The following PCNX2 variants were observed in gnomAD, a reference collection of about 807,000 sequenced individuals.
PCNX2 encodes the protein pecanex 2.
PCNX2 carries 168 observed loss-of-function variants against 223.8 expected under a neutral mutation model. That is an observed-to-expected ratio of 0.75 (90% confidence interval 0.66 to 0.85). The LOEUF is 0.85. Among genes scored for constraint, PCNX2 ranks in the 40% least tolerant of loss-of-function variants. PCNX2 has a pLI of 0.00. For missense variants in PCNX2, 2,507 were observed against 2,675.5 expected, an observed-to-expected ratio of 0.94 and a Z score of 1.39; for synonymous variants, 1,006 against 1,052.6, an observed-to-expected ratio of 0.96 and a Z score of 0.86.
At chr1:233,115,574 T>C (rs1675360667) in intron 21 of PCNX2, among the ~76,000 whole-genome samples, 1 of 152,182 alleles carries the variant, frequency 6.6e-6, no homozygotes, top group Non-Finnish European at 1.5e-5. Flanking sequence ...GGTTCAACTT[T>C]GAACAATAGA....
At chr1:233,113,807 T>G (rs1019870037) in intron 21 of PCNX2, among the ~76,000 whole-genome samples, 9 of 152,256 alleles carry the variant, frequency 5.9e-5, no homozygotes, top group African/African-American at 2.2e-4. Flanking sequence ...ATGCAGTGGC[T>G]GCATGGAACT....
chr1:232,986,635 A>G (rs1263419004), intron 32 of PCNX2, 95 bp from the exon 33 acceptor site: 6 of 1,202,440 alleles, frequency 5.0e-6, no homozygotes, highest in Non-Finnish European at 1.1e-6. Context: ...CCTGGGCCCA[A>G]GGACCCCTCC....
At chr1:233,015,432 C>T (rs533643599) in intron 27 of PCNX2, among the ~76,000 whole-genome samples, 2 of 152,298 alleles carry the variant, frequency 1.3e-5, no homozygotes, top group African/African-American at 2.4e-5. Flanking sequence ...GGCGCGGTGG[C>T]TCACGCCTGT....
chr1:233,230,648 T>C (rs1658007223), intron 9 of PCNX2, among the ~76,000 whole-genome samples: 1 of 152,144 alleles, frequency 6.6e-6, no homozygotes, highest in Admixed American at 6.6e-5. Context: ...AGAAAGAGCT[T>C]AGGAAAAGCG....
chr1:233,162,988 T>C (rs1053263263), intron 17 of PCNX2, among the ~76,000 whole-genome samples: 5 of 152,290 alleles, frequency 3.3e-5, no homozygotes, highest in Admixed American at 6.5e-5. Context: ...CGAATTATTA[T>C]TAACCTTTTT....
intron 15 of PCNX2, among the ~76,000 whole-genome samples, chr1:233,180,261 T>C (rs956847320): frequency 1.3e-5 from 2 of 152,184 alleles, no homozygotes; most frequent in African/African-American, 2.4e-5. Context: ...GAAGCACAGA[T>C]GTCAGTTATC....
chr1:233,086,959 G>A (rs1673635714), intron 23 of PCNX2: 2 of 904,228 alleles, frequency 2.2e-6, no homozygotes, highest in South Asian at 1.0e-4. Flanking sequence ...TGTGTGGGCA[G>A]AGAGTAGCAA....
chr1:233,308,994 A>T, the PCNX2 span, among the ~76,000 whole-genome samples: 1 of 152,198 alleles, frequency 6.6e-6, no homozygotes, highest in African/African-American at 2.4e-5. Flanking sequence ...TATTTATAGG[A>T]GATACACCTA....
chr1:233,258,636 T>C lies in PCNX2; in HGVS notation c.1226A>G (p.Asp409Gly). 2 of 1,613,936 alleles carry C rather than the reference T, an allele frequency of 1.2e-6. No individual in the cohort carries two copies. The highest frequency in any genetic ancestry group is 3.3e-5 in the Admixed American group (2 of 60,010). ...VGTEKTSVKS[D>G]AEPTNPGAAG... ...CGCCCCTGGGTTAGTGGGCTCAGCG[T>C]CAGACTTTACACTGGTCTTCTCTGT... Residue 409 changes from aspartate (D) to glycine (G), a missense_variant, in exon 5 of 34, where the codon GAC (aspartate) becomes GGC (glycine). Physicochemically the swap from Asp to Gly is moderately conservative, Grantham distance 94. Transcript: ENST00000258229.
chr1:233,067,354 T>C (rs1260239857), intron 23 of PCNX2, among the ~76,000 whole-genome samples: 1 of 3,340 alleles, frequency 3.0e-4, no homozygotes, highest in African/African-American at 1.2e-3. Context: ...AATGAAAAAA[T>C]AGAGCTTCAG....
At chr1:233,251,214 A>T (rs926758452) in intron 7 of PCNX2, among the ~76,000 whole-genome samples, 1 of 152,204 alleles carries the variant, frequency 6.6e-6, no homozygotes, top group South Asian at 2.1e-4. Context: ...TGGTATACGA[A>T]TACCTCAGTA....
At chr1:233,174,690 C>G (rs778327027) in intron 17 of PCNX2, among the ~76,000 whole-genome samples, 3 of 151,562 alleles carry the variant, frequency 2.0e-5, no homozygotes, top group Non-Finnish European at 2.9e-5. Flanking sequence ...TACAGTGAAA[C>G]AAACAAATCT....
intron 15 of PCNX2, among the ~76,000 whole-genome samples, chr1:233,181,809 T>C (rs1679818969): frequency 6.6e-6 from 1 of 152,192 alleles, no homozygotes; most frequent in Non-Finnish European, 1.5e-5. Flanking sequence ...AGGACACTGA[T>C]CTGATTCATG....
intron 25 of PCNX2, among the ~76,000 whole-genome samples, chr1:233,027,436 C>A (rs755990264): frequency 1.3e-5 from 2 of 152,130 alleles, no homozygotes; most frequent in African/African-American, 4.8e-5. Flanking sequence ...ATCTCCTGTA[C>A]GCTGCTGAGC....
Position 233,252,453 on chromosome 1 carries a change from G to A in PCNX2, c.2029C>T (p.Gln677Ter). 1 of 1,613,498 alleles carries A rather than the reference G, an allele frequency of 6.2e-7. No homozygotes were observed. Among genetic ancestry groups the A allele is most frequent in the Non-Finnish European group, 8.5e-7 (1 of 1,179,508 alleles). Residue 677 changes from glutamine to a stop codon, truncating the protein, a stop_gained, in exon 7 of 34, where the codon CAA becomes TAA. Transcript: ENST00000258229. LOFTEE classifies it high-confidence loss of function. ...QRQIIYRVTS[Q>*]QDSSVLQVIS... ...ACTTGCAAGACAGAACTATCTTGTT[G>A]GGAAGTTACCCTGTAGATTATCTGT...
intron 15 of PCNX2, among the ~76,000 whole-genome samples, chr1:233,186,895 A>G (rs563932534): frequency 1.5e-3 from 235 of 152,324 alleles, no homozygotes; most frequent in African/African-American, 5.5e-3. Flanking sequence ...AAATGCACAC[A>G]CACACACACA....
intron 19 of PCNX2, among the ~76,000 whole-genome samples, chr1:233,142,871 G>T (rs1677212065): frequency 1.3e-5 from 2 of 152,030 alleles, no homozygotes; most frequent in Non-Finnish European, 1.5e-5. Flanking sequence ...TCCCCAGCTT[G>T]TGCTCAAACC....
intron 21 of PCNX2, among the ~76,000 whole-genome samples, chr1:233,119,593 A>AACAAAAAC (rs201178543): frequency 9.1e-6 from 1 of 109,460 alleles, no homozygotes; most frequent in Non-Finnish European, 2.2e-5. Flanking sequence ...TCAAAAAAAA[A>AACAAAAAC]AAAACAAAAA....
intron 4 of PCNX2, chr1:233,259,900 A>G: frequency 3.8e-6 from 3 of 791,538 alleles, no homozygotes; most frequent in Non-Finnish European, 3.1e-6. Context: ...AAAGCAATAC[A>G]GTATAACAAC....
Sources: gnomAD v4.1 joint callset for allele counts (sites outside exome capture counted in the v4.1 genomes callset) on GRCh38, gnomAD v4.1.1 for gene constraint, MANE v1.5 for transcripts, NCBI Gene and HGNC (gene_info 2026-07-23, HGNC 2026-07-21) for gene names.